ANKLE2: variants seen among roughly 807,000 people sequenced by gnomAD.
The protein encoded by ANKLE2 is ankyrin repeat and LEM domain containing 2, also known as ankyrin repeat and LEM domain-containing protein 2.
A neutral mutation model predicts 84.2 loss-of-function variants in ANKLE2; 55 were observed. The ratio of observed to expected loss-of-function variants is 0.65; its 90% confidence interval spans 0.53 to 0.82. The LOEUF (loss-of-function observed/expected upper bound fraction) is 0.82. Ranked by LOEUF, ANKLE2 falls within the 40% of genes least tolerant of loss-of-function variation. ANKLE2 has a pLI of 0.00. For synonymous variants in ANKLE2, 551 were observed against 486.1 expected (o/e 1.13, Z -1.76); for missense variants, 1,238 against 1,201.9 (o/e 1.03, Z -0.44).
chr12:132,752,295 G>C (rs895289287), intron 2 of ANKLE2, among the ~76,000 whole-genome samples: 14 of 152,242 alleles, frequency 9.2e-5, no homozygotes, highest in African/African-American at 3.4e-4. Context: ...AGCCAAGATC[G>C]CACCACTGCA....
intron 8 of ANKLE2, 62 bp downstream of exon 8, chr12:132,736,831 A>G: frequency 6.6e-7 from 1 of 1,505,592 alleles, no homozygotes; most frequent in Non-Finnish European, 8.9e-7. Context: ...AGGCTGGAAC[A>G]CCCAGCAGCA....
chr12:132,736,838 A>G (rs1055120234), intron 8 of ANKLE2, 55 bp downstream of exon 8: 11 of 1,526,792 alleles, frequency 7.2e-6, no homozygotes, highest in Non-Finnish European at 8.8e-6. Flanking sequence ...AACACCCAGC[A>G]GCACAGTATA....
intron 2 of ANKLE2, among the ~76,000 whole-genome samples, chr12:132,752,993 T>TAA (rs374135387): frequency 4.1e-4 from 57 of 139,048 alleles, no homozygotes; most frequent in East Asian, 6.5e-4. Context: ...CCCAGTCTCT[T>TAA]AAAAAAAAAA....
chr12:132,736,815 G>A, intron 8 of ANKLE2, 78 bp downstream of exon 8: 2 of 1,487,640 alleles, frequency 1.3e-6, no homozygotes, highest in South Asian at 1.4e-5. Context: ...CCACGCACAA[G>A]GCAACAGGCT....
Position 132,761,628 on chromosome 12 carries a change from G to A in ANKLE2, c.171C>T (p.Ala57=). The part of the protein sequence containing the change: ...TPVPPPSAAA[A]PASGEMTMDA... ...CCGCCTGGGCCTTACCTGAGGCGGG[G>A]GCGGCGGCCGCGCTTGGCGGAGGAA... is the stretch of plus-strand genomic sequence containing the variant. Residue 57 remains alanine (A), a synonymous_variant, in exon 1 of 13, where the codon GCC becomes GCT. Coordinates refer to ENST00000357997, the MANE Select transcript of ANKLE2 (RefSeq NM_015114.3). The A allele has an allele frequency of 1.6e-6, 2 of 1,258,232 alleles. No homozygotes were observed. The highest frequency in any genetic ancestry group is 2.0e-6 in the Non-Finnish European group (2 of 1,001,934). The allele number at this position is 1,258,232 out of a possible 1,614,324, so 77.9% of individuals were successfully genotyped here. A position where few individuals can be genotyped will look rare whatever the true frequency, so the allele number is the denominator to read the frequency against.
chr12:132,740,008 C>G (rs1292388512), intron 7 of ANKLE2, among the ~76,000 whole-genome samples: 1 of 152,230 alleles, frequency 6.6e-6, no homozygotes, highest in Non-Finnish European at 1.5e-5. Flanking sequence ...AAGGATCTCT[C>G]AGACAGAATT....
chr12:132,754,714 C>T lies in ANKLE2; in HGVS notation c.601G>A (p.Gly201Arg). The T allele has an allele frequency of 6.2e-7, 1 of 1,613,930 alleles. No individual in the cohort carries two copies. The highest frequency in any genetic ancestry group is 8.5e-7 in the Non-Finnish European group (1 of 1,179,912). The change falls in exon 2 of 13, where the codon GGG becomes AGG. Residue 201 changes from glycine (G) to arginine (R), a missense_variant. Coordinates refer to ENST00000357997, the MANE Select transcript of ANKLE2 (RefSeq NM_015114.3). ...ACGTCCTCATACACTGGACACACCC[C>T]ATAGTACAGGGGCGGCTCCTTAGAC... Reference protein sequence around the residue: ...TASKEPPLYYGVCPVYEDVPA... With the variant: ...TASKEPPLYYRVCPVYEDVPA...
chr12:132,747,809 G>A lies in ANKLE2; in HGVS notation c.1230+23C>T, dbSNP rs750860555. ...TTTTAACCAATTAAATAAAGAAAGC[G>A]TGAGTGGAGGGTGTGCACGCACCAT... On this transcript the variant is annotated intron_variant, in intron 5 of 12. Transcript: ENST00000357997. 9 of 1,572,490 alleles carry A rather than the reference G, an allele frequency of 5.7e-6. No homozygotes were observed. In the East Asian group the frequency reaches 6.8e-5, roughly 12 times the overall value.
chr12:132,730,173 C>T lies in ANKLE2; in HGVS notation c.1989G>A (p.Pro663=), dbSNP rs772853419. ...NRQNAARNNS[P]PTVGAFGHTR... is the part of the protein sequence containing the mutation. ...TATGTCCAAAAGCACCGACTGTGGG[C>T]GGGCTGTTATTTCGAGCTGCATTTT... The change falls in exon 11 of 13, where the codon CCG becomes CCA. Residue 663 remains proline, a synonymous_variant. Coordinates refer to ENST00000357997, the MANE Select transcript of ANKLE2 (RefSeq NM_015114.3). The T allele has an allele frequency of 2.6e-5, 42 of 1,608,622 alleles. No individual in the cohort carries two copies. The highest frequency in any genetic ancestry group is 1.2e-4 in the South Asian group (11 of 91,018).
chr12:132,730,602 CG>C (rs2043822660), intron 10 of ANKLE2: 4 of 317,290 alleles, frequency 1.3e-5, no homozygotes, highest in Non-Finnish European at 2.4e-5. Context: ...GCAGGGGGGT[CG>C]CTGGACCCCA....
chr12:132,746,738 C>T (rs1211941624), intron 5 of ANKLE2, among the ~76,000 whole-genome samples: 3 of 152,140 alleles, frequency 2.0e-5, no homozygotes, highest in Non-Finnish European at 4.4e-5. Context: ...TTACCTCATG[C>T]TTTATTTATC....
intron 1 of ANKLE2, chr12:132,756,354 G>C (rs1270522795): frequency 6.6e-6 from 1 of 151,544 alleles, no homozygotes; most frequent in African/African-American, 2.4e-5. Flanking sequence ...TAGGGGACAA[G>C]AGCAAGACCT....
intron 1 of ANKLE2, 174 bp downstream of exon 1, chr12:132,761,444 G>A (rs1047487533): frequency 5.8e-6 from 3 of 512,822 alleles, no homozygotes; most frequent in Middle Eastern, 6.0e-4. Context: ...CCAAGTCCCC[G>A]CAACTGCCCT....
In ANKLE2 at chr12:132,747,845, G is replaced by T. The variant is rs1476279584; in HGVS notation, c.1217C>A (p.Thr406Asn). ...GTGTGCACGCACCATCTTGTCGGGG[G>T]TGTTGAGGTACAGGTCCACCACGTA... ...IRYVVDLYLN[T>N]PDKMGYDTPL... is the part of the protein sequence containing the mutation. The change falls in exon 5 of 13, where the codon ACC (threonine) becomes AAC (asparagine). Residue 406 changes from threonine to asparagine, a missense_variant. By Grantham distance (65) the Thr-to-Asn change is moderately conservative. Coordinates refer to ENST00000357997, the MANE Select transcript of ANKLE2 (RefSeq NM_015114.3). 2.0e-5 allele frequency: 32 copies of T among 1,603,786 alleles called. No homozygotes were observed. The highest frequency in any genetic ancestry group is 2.6e-5 in the Non-Finnish European group (31 of 1,177,576).
At chr12:132,734,317 G>T in intron 10 of ANKLE2, 68 bp downstream of exon 10, 2 of 1,498,654 alleles carry the variant, frequency 1.3e-6, no homozygotes, top group Non-Finnish European at 1.8e-6. Context: ...ACAGATGTGC[G>T]CATCCCGTCA....
intron 2 of ANKLE2, among the ~76,000 whole-genome samples, chr12:132,753,238 T>C (rs972291556): frequency 6.6e-6 from 1 of 151,952 alleles, no homozygotes; most frequent in Non-Finnish European, 1.5e-5. Context: ...GAGGACTCCT[T>C]GAGCCTGGTA....
In ANKLE2 at chr12:132,753,067, C is replaced by T. The variant is rs536618697; in HGVS notation, c.640+1608G>A. ...GCTCACGCCTGTAATCCCAGCACTT[C>T]GGGAGGCTGAGCCTGGCAGATCACT... is the stretch of plus-strand genomic sequence containing the variant. On this transcript the variant is annotated intron_variant, in intron 2 of 12. Transcript: ENST00000357997. 1.5e-4 allele frequency among the ~76,000 whole-genome samples: 22 copies of T among 151,500 alleles called. No homozygotes were observed. The South Asian group carries it at 2.7e-3, about 19-fold the overall frequency.
chr12:132,750,630 C>T lies in ANKLE2; in HGVS notation c.847+13G>A, dbSNP rs775167422. 6.2e-7 allele frequency: 1 copy of T among 1,613,412 alleles called. No individual in the cohort carries two copies. Among genetic ancestry groups the T allele is most frequent in the Non-Finnish European group, 8.5e-7 (1 of 1,179,592 alleles). On this transcript the variant is annotated intron_variant, in intron 3 of 12. Transcript: ENST00000357997. ...GACAGGAACATCAAGATGTGAACGGCTGCATGATTTACCTTTCAACCTGTC... is the reference window on the plus strand; with the variant it reads ...GACAGGAACATCAAGATGTGAACGGTTGCATGATTTACCTTTCAACCTGTC...
chr12:132,739,491 G>A (rs978511959), intron 7 of ANKLE2, among the ~76,000 whole-genome samples: 2 of 152,208 alleles, frequency 1.3e-5, no homozygotes, highest in Non-Finnish European at 2.9e-5. Context: ...AGTATGTACA[G>A]TATAGGGTGC....
Sources: allele counts gnomAD v4.1 joint callset (sites outside exome capture counted in the v4.1 genomes callset), GRCh38; gene constraint gnomAD v4.1.1; transcripts MANE v1.5; gene names NCBI Gene and HGNC (gene_info 2026-07-23, HGNC 2026-07-21).